Variants in SLC49A3 observed in about 807,000 individuals in gnomAD.
The protein encoded by SLC49A3 is solute carrier family 49 member 3, also known as solute carrier family 49 member A3.
In SLC49A3, 50 loss-of-function variants were observed where a neutral mutation model predicts 43.8. The observed-to-expected ratio is 1.14, with a 90% CI of 0.91 to 1.45. The LOEUF (loss-of-function observed/expected upper bound fraction) is 1.45. SLC49A3 is among the 40% of genes most tolerant of loss of function. The pLI, the probability that SLC49A3 is intolerant of heterozygous loss-of-function variation, is 0.00. For missense variants in SLC49A3, 906 were observed against 774.1 expected (o/e 1.17, Z -2.02); for synonymous variants, 413 against 352.0 (o/e 1.17, Z -1.94).
downstream of SLC49A3, chr4:678,813 G>A: frequency 6.2e-7 from 1 of 1,608,686 alleles, no homozygotes; most frequent in South Asian, 1.1e-5. Context: ...AGGAGCCTGT[G>A]CTGGGAAGAC....
At chr4:678,151 G>A (rs1392471398), downstream of SLC49A3, 18 of 1,547,728 alleles carry the variant, frequency 1.2e-5, no homozygotes, top group Middle Eastern at 2.1e-4. Context: ...AGGTGTGGGC[G>A]TGTGCTCTGC....
chr4:683,718 A>G lies in SLC49A3; in HGVS notation c.884T>C (p.Ile295Thr). The change falls in exon 7 of 10, where the codon ATC becomes ACC. Residue 295 changes from isoleucine (I) to threonine (T), a missense_variant. Coordinates refer to ENST00000322224, the MANE Select transcript of SLC49A3 (RefSeq NM_032219.4). ...LCGALFITFG[I>T]LGALALGPYV... The stretch of plus-strand genomic sequence containing the variant: ...GGGGCCGAGAGCCAGTGCCCCCAGG[A>G]TCCCAAACGTGATGAAGAGAGCGCC... 6.3e-7 allele frequency: 1 copy of G among 1,592,214 alleles called. No individual in the cohort carries two copies. Among genetic ancestry groups the G allele is most frequent in the Non-Finnish European group, 8.6e-7 (1 of 1,169,362 alleles).
intron 2 of SLC49A3, 103 bp downstream of exon 2, chr4:686,429 T>G: frequency 6.4e-7 from 1 of 1,563,266 alleles, no homozygotes; most frequent in Non-Finnish European, 8.7e-7. Context: ...CCCCAGCTGT[T>G]GGGACTGGTG....
chr4:689,093 G>T lies in SLC49A3; in HGVS notation c.35C>A (p.Ala12Asp). The change falls in exon 1 of 10, where the codon GCC (alanine) becomes GAC (aspartate). Residue 12 changes from alanine to aspartate, a missense_variant. Ala to Asp is a moderately radical substitution (Grantham distance 126). Coordinates refer to ENST00000322224, the MANE Select transcript of SLC49A3 (RefSeq NM_032219.4). Reference protein sequence around the residue: ...AGPTEAETGLAEPRALCAQRG... With the variant: ...AGPTEAETGLDEPRALCAQRG... ...CTGCGCGCACAGGGCCCGGGGCTCG[G>T]CCAACCCCGTCTCGGCCTCCGTCGG... is the stretch of plus-strand genomic sequence containing the variant. The T allele has an allele frequency of 6.6e-7, 1 of 1,505,660 alleles. No homozygotes were observed. 93.3% of individuals were successfully genotyped at this position (1,505,660 alleles called of 1,614,324 possible). A position where few individuals can be genotyped will look rare whatever the true frequency, so the allele number is the denominator to read the frequency against.
chr4:677,890 C>T (rs371064913), downstream of SLC49A3: 84 of 1,468,746 alleles, frequency 5.7e-5, no homozygotes, highest in African/African-American at 4.4e-4. Context: ...GCTGTCCAGT[C>T]CCCTGGGGTA....
At chr4:682,478 G>T in intron 9 of SLC49A3, 102 bp from the exon 10 acceptor site, 1 of 1,197,228 alleles carries the variant, frequency 8.4e-7, no homozygotes, top group Middle Eastern at 2.4e-4. Context: ...CTTGACCACA[G>T]AGTGACCCCA....
chr4:686,069 C>T lies in SLC49A3; in HGVS notation c.508+20G>A, dbSNP rs1252595181. The T allele has an allele frequency of 6.2e-7, 1 of 1,612,248 alleles. No homozygotes were observed. The highest frequency in any genetic ancestry group is 8.5e-7 in the Non-Finnish European group (1 of 1,179,734). ...CCCTGAGGTGAGCCCAGGCAGGCGG[C>T]CTCCCTCCCCGGAACTCACACATGG... On this transcript the variant is annotated intron_variant, in intron 3 of 9. Transcript: ENST00000322224.
At position 682,169 on chromosome 4, in the gene SLC49A3, T is replaced by C. The variant is rs751964137; in HGVS notation, c.1469A>G (p.Glu490Gly). The C allele has an allele frequency of 4.4e-6, 6 of 1,352,496 alleles. No homozygotes were observed. The African/African-American group carries it at 4.6e-5, about 10-fold the overall frequency. The allele number at this position is 1,352,496 out of a possible 1,614,324, so 83.8% of individuals were successfully genotyped here. A position where few individuals can be genotyped will look rare whatever the true frequency, so the allele number is the denominator to read the frequency against. Reference protein sequence around the residue: ...GVLGPSTATPECTARGASLED... With the variant: ...GVLGPSTATPGCTARGASLED... ...TAGCGAGGCCCCCCTCGCCGTGCAC[T>C]CCGGAGTCGCCGTGCTGGGCCCCAG... is the stretch of plus-strand genomic sequence containing the variant. Residue 490 changes from glutamate to glycine, a missense_variant, in exon 10 of 10, where the codon GAG (glutamate) becomes GGG (glycine). Coordinates refer to ENST00000322224, the MANE Select transcript of SLC49A3 (RefSeq NM_032219.4).
intron 1 of SLC49A3, 188 bp downstream of exon 1, chr4:688,805 G>T: frequency 3.2e-6 from 3 of 938,840 alleles, no homozygotes; most frequent in Non-Finnish European, 4.4e-6. Flanking sequence ...CCTGCTCTGT[G>T]CCCTGGGCCC....
In SLC49A3 at chr4:685,813, C is replaced by T. The variant is rs376890947; in HGVS notation, c.585+22G>A. Reference sequence around the variant, plus strand: ...GCGCACACACCACACAGACCAGGCACGGGCGTCTCATGACCCCTCACCATT... The same window carrying T: ...GCGCACACACCACACAGACCAGGCATGGGCGTCTCATGACCCCTCACCATT... On this transcript the variant is annotated intron_variant, in intron 4 of 9. Transcript: ENST00000322224. This position sits in a 1 kb window ranked among gnomAD's most constrained non-coding sequence, Gnocchi z 4.3. The T allele has an allele frequency of 4.0e-5, 64 of 1,612,904 alleles. No individual in the cohort carries two copies. The highest frequency in any genetic ancestry group is 5.3e-5 in the Non-Finnish European group (62 of 1,179,200).
intron 1 of SLC49A3, chr4:687,373 G>C (rs1560177908): frequency 1.3e-5 from 2 of 152,402 alleles, no homozygotes; most frequent in Admixed American, 1.3e-4. Flanking sequence ...CTCGGACACA[G>C]CAGCCAGACC....
chr4:689,196 GC>G (rs573146905), upstream of SLC49A3: 35 of 1,137,264 alleles, frequency 3.1e-5, no homozygotes, highest in East Asian at 1.2e-3. Flanking sequence ...TCCCGCGTGG[GC>G]CGGGACCGCC....
At position 682,278 on chromosome 4, in the gene SLC49A3, C is replaced by T. The variant is rs541751641; in HGVS notation, c.1360G>A (p.Glu454Lys). 2.1e-5 allele frequency: 28 copies of T among 1,356,640 alleles called. No individual in the cohort carries two copies. Among genetic ancestry groups the T allele is most frequent in the Non-Finnish European group, 2.3e-5 (24 of 1,045,262 alleles). The allele number at this position is 1,356,640 out of a possible 1,614,324, so 84.0% of individuals were successfully genotyped here. A position where few individuals can be genotyped will look rare whatever the true frequency, so the allele number is the denominator to read the frequency against. ...ACGGCGTTACGGGTGGAGGGGGGCT[C>T]CCCAGACTCGGCCTGCAGGCGCCGG... The part of the protein sequence containing the change: ...PYRRLQAESG[E>K]PPSTRNAVGG... Residue 454 changes from glutamate (E) to lysine (K), a missense_variant, in exon 10 of 10, where the codon GAG becomes AAG. By Grantham distance (56) the Glu-to-Lys change is moderately conservative. Coordinates refer to ENST00000322224, the MANE Select transcript of SLC49A3 (RefSeq NM_032219.4).
At chr4:677,056 CCTG>C (rs1323203646), downstream of SLC49A3, 1 of 385,884 alleles carries the variant, frequency 2.6e-6, no homozygotes, top group Non-Finnish European at 3.5e-6. Flanking sequence ...AGGGATCCCA[CCTG>C]CTGTTGTGGC....
chr4:685,336 C>T lies in SLC49A3; in HGVS notation c.586-480G>A, dbSNP rs1471262008. On this transcript the variant is annotated intron_variant, in intron 4 of 9. Transcript: ENST00000322224. The surrounding 1 kb of genome is among the most constrained non-coding windows in gnomAD (Gnocchi z 4.3). ...ACATATGCACACATCACACAATACA[C>T]ATGGGCACAGGAACAGAGACACGCA... Among the ~76,000 whole-genome samples the T allele has an allele frequency of 6.6e-6, 1 of 152,118 alleles. No individual in the cohort carries two copies. Among genetic ancestry groups the T allele is most frequent in the Non-Finnish European group, 1.5e-5 (1 of 68,010 alleles).
rs187312561 is a variant in SLC49A3, at chr4:682,802, C to G, written c.1240G>C (p.Glu414Gln). Reference sequence around the variant, plus strand: ...TCACCTGTCCAGTCAAGTGGATCCTCCCCCTGCTGGCAGGTGGACAAGGAC... The same window carrying G: ...TCACCTGTCCAGTCAAGTGGATCCTGCCCCTGCTGGCAGGTGGACAAGGAC... The part of the protein sequence containing the change: ...EPSLSTCQQG[E>Q]DPLDWTVSLL... The change falls in exon 9 of 10, where the codon GAG (glutamate) becomes CAG (glutamine). Residue 414 changes from glutamate to glutamine, a missense_variant. Transcript: ENST00000322224. 1.3e-6 allele frequency: 2 copies of G among 1,596,266 alleles called. No individual in the cohort carries two copies. Among genetic ancestry groups the G allele is most frequent in the Non-Finnish European group, 1.7e-6 (2 of 1,169,512 alleles).
downstream of SLC49A3, chr4:678,881 G>A: frequency 6.2e-7 from 1 of 1,606,452 alleles, no homozygotes; most frequent in Non-Finnish European, 8.5e-7. Context: ...AGTCAGGGGT[G>A]CTGAGGAACC....
Position 685,585 on chromosome 4 carries a change from A to G in SLC49A3, c.585+250T>C, listed in dbSNP as rs1740834896. ...GCCAAGCATGGTGGCGCACGCCTGTAGTCCCAGCTACTCGGGAAGATGAGG... is the reference window on the plus strand; with the variant it reads ...GCCAAGCATGGTGGCGCACGCCTGTGGTCCCAGCTACTCGGGAAGATGAGG... On this transcript the variant is annotated intron_variant, in intron 4 of 9. Transcript: ENST00000322224. This position sits in a 1 kb window ranked among gnomAD's most constrained non-coding sequence, Gnocchi z 4.3. Among the ~76,000 whole-genome samples, 1 of 152,044 alleles carries G rather than the reference A, an allele frequency of 6.6e-6. No homozygotes were observed. Among genetic ancestry groups the G allele is most frequent in the Admixed American group, 6.5e-5 (1 of 15,268 alleles).
chr4:686,004 C>T (rs1740937205), intron 3 of SLC49A3, 85 bp downstream of exon 3: 1 of 1,607,124 alleles, frequency 6.2e-7, no homozygotes, highest in Admixed American at 1.7e-5. Context: ...AGCTCCTCCA[C>T]CCTGGCCAGA....
Sources: gnomAD v4.1 joint callset for allele counts (sites outside exome capture counted in the v4.1 genomes callset) on GRCh38, gnomAD v4.1.1 for gene constraint, Gnocchi (gnomAD v3.1) non-coding constraint, MANE v1.5 for transcripts, NCBI Gene and HGNC (gene_info 2026-07-23, HGNC 2026-07-21) for gene names.